The following SLC9A9 variants were observed in gnomAD, a reference collection of about 807,000 sequenced individuals.
The protein encoded by SLC9A9 is solute carrier family 9 member A9, also known as sodium/hydrogen exchanger 9.
SLC9A9 carries 62 observed loss-of-function variants against 77.8 expected under a neutral mutation model. The ratio of observed to expected loss-of-function variants is 0.80; its 90% confidence interval spans 0.65 to 0.98. The LOEUF is 0.98. Among genes scored for constraint, SLC9A9 ranks in the 50% least tolerant of loss-of-function variants. The pLI is 0.00. For missense variants in SLC9A9, 775 were observed against 774.9 expected (o/e 1.00, Z 0.00); for synonymous variants, 320 against 283.5 (o/e 1.13, Z -1.29).
rs370910051 is a variant in SLC9A9, at chr3:143,403,418, T to C, written c.1470-21304A>G. Among the ~76,000 whole-genome samples, 11 of 152,268 alleles carry C rather than the reference T, an allele frequency of 7.2e-5. No homozygotes were observed. In the East Asian group the frequency reaches 2.1e-3, roughly 29 times the overall value. ...TACAATATGTAATTATGCTGTTTTTTATAGTTAATACGTAGTTACCTTTGC... is the reference window on the plus strand; with the variant it reads ...TACAATATGTAATTATGCTGTTTTTCATAGTTAATACGTAGTTACCTTTGC... On this transcript the variant is annotated intron_variant, in intron 12 of 15. Coordinates refer to ENST00000316549, the MANE Select transcript of SLC9A9 (RefSeq NM_173653.4).
chr3:143,281,885 C>A (rs1938231040), intron 14 of SLC9A9, among the ~76,000 whole-genome samples: 2 of 152,218 alleles, frequency 1.3e-5, no homozygotes, highest in South Asian at 2.1e-4. Flanking sequence ...ACTGATCCTG[C>A]CCCACTTACC....
At chr3:143,815,813 C>T (rs1461395320) in intron 2 of SLC9A9, among the ~76,000 whole-genome samples, 1 of 152,050 alleles carries the variant, frequency 6.6e-6, no homozygotes, top group Non-Finnish European at 1.5e-5. Flanking sequence ...TTACAGTGAG[C>T]CGGGATCGTG....
chr3:143,596,756 G>T (rs1164301146), intron 6 of SLC9A9, among the ~76,000 whole-genome samples: 3 of 151,976 alleles, frequency 2.0e-5, no homozygotes, highest in Non-Finnish European at 4.4e-5. Flanking sequence ...TCGACCTCCT[G>T]GGCTCAAGTA....
At chr3:143,672,437 G>C (rs1336701420) in intron 5 of SLC9A9, among the ~76,000 whole-genome samples, 1 of 152,138 alleles carries the variant, frequency 6.6e-6, no homozygotes, top group Non-Finnish European at 1.5e-5. Flanking sequence ...CATGATCAGA[G>C]AAACTGAAGG....
At chr3:143,503,612 G>GGGAT in intron 9 of SLC9A9, 2 of 448,822 alleles carry the variant, frequency 4.5e-6, no homozygotes, top group South Asian at 3.2e-5. Context: ...GTTCAGCTCA[G>GGGAT]GGATGACCTT....
chr3:143,763,160 G>A (rs527368878), intron 4 of SLC9A9, among the ~76,000 whole-genome samples: 1 of 152,230 alleles, frequency 6.6e-6, no homozygotes, highest in East Asian at 1.9e-4. Context: ...CTTACCCAGT[G>A]TGCAGCACTG....
chr3:143,688,138 A>G (rs531090091), intron 5 of SLC9A9, among the ~76,000 whole-genome samples: 1 of 136,046 alleles, frequency 7.4e-6, no homozygotes, highest in East Asian at 2.1e-4. Context: ...TTCTTTTGAG[A>G]TGGGGTTTTG....
At chr3:143,451,373 T>A (rs891367488) in intron 12 of SLC9A9, among the ~76,000 whole-genome samples, 2 of 152,174 alleles carry the variant, frequency 1.3e-5, no homozygotes, top group Admixed American at 1.3e-4. Context: ...AGTTAAAATC[T>A]CATATATTGG....
intron 6 of SLC9A9, among the ~76,000 whole-genome samples, chr3:143,615,652 T>C (rs2038090961): frequency 6.6e-6 from 1 of 152,158 alleles, no homozygotes; most frequent in Admixed American, 6.5e-5. Flanking sequence ...TCAATAATAA[T>C]AGCAAAATAA....
Position 143,493,772 on chromosome 3 carries a change from TA to T in SLC9A9, c.1204-9del. On this transcript the variant is annotated splice_polypyrimidine_tract_variant and intron_variant, in intron 10 of 15. Transcript: ENST00000316549. The stretch of plus-strand genomic sequence containing the variant: ...GGCAACAAAAATTGCTAGCTGTAGA[TA>T]AGCACAGGGAAACATTGAGGAAAGT... 1 of 1,583,488 alleles carries T rather than the reference TA, an allele frequency of 6.3e-7. No homozygotes were observed.
intron 13 of SLC9A9, among the ~76,000 whole-genome samples, chr3:143,374,293 C>T (rs955253255): frequency 6.6e-5 from 10 of 151,552 alleles, no homozygotes; most frequent in African/African-American, 1.2e-4. Flanking sequence ...GGCGTGGTGG[C>T]GGGCGCCTGT....
At chr3:143,295,658 ACCT>A (rs2030232170) in intron 14 of SLC9A9, among the ~76,000 whole-genome samples, 1 of 151,958 alleles carries the variant, frequency 6.6e-6, no homozygotes, top group Non-Finnish European at 1.5e-5. Flanking sequence ...TGAGCCTTCA[ACCT>A]CTCATATCCA....
At chr3:143,593,900 G>A (rs2037705970) in intron 6 of SLC9A9, among the ~76,000 whole-genome samples, 1 of 152,130 alleles carries the variant, frequency 6.6e-6, no homozygotes. Context: ...CCAGAATGTG[G>A]GGACTATAAT....
intron 14 of SLC9A9, among the ~76,000 whole-genome samples, chr3:143,281,468 C>G (rs1938216826): frequency 1.3e-5 from 2 of 152,098 alleles, no homozygotes; most frequent in Non-Finnish European, 2.9e-5. Context: ...CAGAATTGGC[C>G]ACATCTGTAG....
chr3:143,410,373 C>G (rs2034069675), intron 12 of SLC9A9, among the ~76,000 whole-genome samples: 1 of 152,206 alleles, frequency 6.6e-6, no homozygotes, highest in Non-Finnish European at 1.5e-5. Context: ...TCCCTGTATT[C>G]AAAATTCAAC....
chr3:143,705,074 T>G (rs1012952706), intron 4 of SLC9A9, among the ~76,000 whole-genome samples: 8 of 128,232 alleles, frequency 6.2e-5, no homozygotes, highest in Non-Finnish European at 1.0e-4. Context: ...TAGATATATA[T>G]ATTATGATAC....
At chr3:143,427,555 T>C (rs2034430100) in intron 12 of SLC9A9, among the ~76,000 whole-genome samples, 1 of 152,168 alleles carries the variant, frequency 6.6e-6, no homozygotes, top group Admixed American at 6.5e-5. Context: ...GGACAAGCAT[T>C]ATATGCAATT....
rs538986727 is a variant in SLC9A9, at chr3:143,619,478, T to C, written c.755+32777A>G. 8.5e-5 allele frequency among the ~76,000 whole-genome samples: 13 copies of C among 152,344 alleles called. No individual in the cohort carries two copies. The South Asian group carries it at 2.1e-3, about 24-fold the overall frequency. Reference sequence around the variant, plus strand: ...ACATTGTATACATAATGCAGACACATTTTCCATGCATAGCAGTCAAATATT... The same window carrying C: ...ACATTGTATACATAATGCAGACACACTTTCCATGCATAGCAGTCAAATATT... On this transcript the variant is annotated intron_variant, in intron 6 of 15. Coordinates refer to ENST00000316549, the MANE Select transcript of SLC9A9 (RefSeq NM_173653.4).
chr3:143,474,811 C>T (rs2035441919), intron 11 of SLC9A9, among the ~76,000 whole-genome samples: 1 of 140,596 alleles, frequency 7.1e-6, no homozygotes, highest in Non-Finnish European at 1.7e-5. Context: ...TATTTTGAAC[C>T]AGGTTTGTTC....
Sources: allele counts gnomAD v4.1 joint callset (sites outside exome capture counted in the v4.1 genomes callset), GRCh38; gene constraint gnomAD v4.1.1; transcripts MANE v1.5; gene names NCBI Gene and HGNC (gene_info 2026-07-23, HGNC 2026-07-21).